The following AK5 variants were observed in gnomAD, a reference collection of about 807,000 sequenced individuals.
AK5 encodes adenylate kinase isoenzyme 5.
A neutral mutation model predicts 69.5 loss-of-function variants in AK5; 27 were observed. That is an observed-to-expected ratio of 0.39 (90% CI 0.29 to 0.54). The LOEUF is 0.54. Among genes scored for constraint, AK5 ranks in the 20% least tolerant of loss-of-function variants. The probability of loss-of-function intolerance (pLI) is 0.71; values close to 1 mark genes in which losing one functional copy is unlikely to be tolerated. For synonymous variants in AK5, 260 were observed against 244.4 expected (o/e 1.06, Z -0.60); for missense variants, 531 against 700.4 (o/e 0.76, Z 2.73).
At chr1:77,383,757 G>T (rs1647814685) in intron 6 of AK5, among the ~76,000 whole-genome samples, 1 of 152,020 alleles carries the variant, frequency 6.6e-6, no homozygotes, top group Non-Finnish European at 1.5e-5. Flanking sequence ...ATAGAGATAT[G>T]TTAAATCAAG....
At position 77,538,338 on chromosome 1, in the gene AK5, C is replaced by CAA. The variant is rs202032598; in HGVS notation, c.1620+2308_1620+2309dup. 7.2e-3 allele frequency among the ~76,000 whole-genome samples: 1,000 copies of CAA among 139,222 alleles called. 23 individuals carry two copies. Among genetic ancestry groups the CAA allele is most frequent in the African/African-American group, 0.026 (953 of 36,220 alleles). 91.3% of individuals were successfully genotyped at this position (139,222 alleles called of 152,430 possible). ...TGGGCAACAGAGCAAGACTGTCTCT[C>CAA]AAAAAAAAACAACAACAACAACAAA... On this transcript the variant is annotated intron_variant, in intron 13 of 13. Coordinates refer to ENST00000354567, the MANE Select transcript of AK5 (RefSeq NM_174858.3).
intron 1 of AK5, chr1:77,282,912 C>G: frequency 8.1e-6 from 8 of 985,974 alleles, no homozygotes; most frequent in Non-Finnish European, 9.6e-6. Context: ...TCAAGTGCCA[C>G]CTCCCCGGTG....
intron 6 of AK5, among the ~76,000 whole-genome samples, chr1:77,399,356 T>C (rs1305551820): frequency 6.6e-6 from 1 of 152,136 alleles, no homozygotes; most frequent in Non-Finnish European, 1.5e-5. Flanking sequence ...TCTTGGGCCC[T>C]TTTCTCTCAA....
chr1:77,542,025 C>G (rs1659304764), intron 13 of AK5, among the ~76,000 whole-genome samples: 1 of 152,086 alleles, frequency 6.6e-6, no homozygotes, highest in Admixed American at 6.6e-5. Context: ...TGACAAAGCC[C>G]CTCACTGAAA....
Position 77,293,792 on chromosome 1 carries a change from G to A in AK5, c.248-1G>A. On this transcript the variant is annotated splice_acceptor_variant, in intron 2 of 13. Coordinates refer to ENST00000354567, the MANE Select transcript of AK5 (RefSeq NM_174858.3). LOFTEE classifies it high-confidence loss of function. ...TTCAAAGTTATCTTACTCTTTTGCA[G>A]TAATGCCTGAAAACTCAAACTTTCC... 1 of 1,598,380 alleles carries A rather than the reference G, an allele frequency of 6.3e-7. No homozygotes were observed. Among genetic ancestry groups the A allele is most frequent in the Non-Finnish European group, 8.5e-7 (1 of 1,174,220 alleles).
intron 8 of AK5, among the ~76,000 whole-genome samples, chr1:77,449,364 T>A (rs1652992495): frequency 6.6e-6 from 1 of 152,246 alleles, no homozygotes; most frequent in East Asian, 1.9e-4. Flanking sequence ...ACTACCCTGC[T>A]GGATTTCAGA....
At chr1:77,552,598 G>A (rs1232236068) in intron 13 of AK5, among the ~76,000 whole-genome samples, 1 of 152,200 alleles carries the variant, frequency 6.6e-6, no homozygotes, top group South Asian at 2.1e-4. Flanking sequence ...TGCATTCAAA[G>A]GTTGTTGTAA....
At chr1:77,320,709 A>G (rs1042956058) in intron 5 of AK5, among the ~76,000 whole-genome samples, 4 of 152,162 alleles carry the variant, frequency 2.6e-5, no homozygotes, top group African/African-American at 9.7e-5. Context: ...AGATCACGCC[A>G]TTGCACTCCA....
At chr1:77,522,946 G>A (rs545096635) in intron 12 of AK5, among the ~76,000 whole-genome samples, 1 of 152,004 alleles carries the variant, frequency 6.6e-6, no homozygotes, top group Non-Finnish European at 1.5e-5. Context: ...TGTTAAAGGT[G>A]ATGAGTGAAG....
chr1:77,295,843 A>G (rs1190288338), intron 3 of AK5, among the ~76,000 whole-genome samples: 1 of 152,212 alleles, frequency 6.6e-6, no homozygotes, highest in Admixed American at 6.5e-5. Flanking sequence ...AATGATTAAA[A>G]TATTTCAATA....
chr1:77,412,558 C>A (rs1243915225), intron 7 of AK5, among the ~76,000 whole-genome samples: 1 of 152,170 alleles, frequency 6.6e-6, no homozygotes, highest in Admixed American at 6.5e-5. Flanking sequence ...AATGGTGCCT[C>A]CCCTGCAGGA....
At chr1:77,465,139 C>G (rs1216760382) in intron 8 of AK5, among the ~76,000 whole-genome samples, 1 of 152,100 alleles carries the variant, frequency 6.6e-6, no homozygotes, top group East Asian at 1.9e-4. Flanking sequence ...ATTTCCAAAC[C>G]CTCTCTTCCT....
chr1:77,468,756 T>C (rs1254616882), intron 8 of AK5, among the ~76,000 whole-genome samples: 1 of 152,250 alleles, frequency 6.6e-6, no homozygotes, highest in Non-Finnish European at 1.5e-5. Flanking sequence ...TGTCTTTAAA[T>C]AGTCCTCAAA....
intron 8 of AK5, among the ~76,000 whole-genome samples, chr1:77,457,882 T>C (rs146983661): frequency 3.3e-5 from 5 of 152,016 alleles, no homozygotes; most frequent in African/African-American, 4.8e-5. Context: ...TACCACAAAC[T>C]TAGTGACTTA....
chr1:77,528,355 T>C (rs971227360), intron 12 of AK5, among the ~76,000 whole-genome samples: 7 of 152,236 alleles, frequency 4.6e-5, no homozygotes, highest in African/African-American at 1.7e-4. Flanking sequence ...CCCACAAAAA[T>C]CTCACCAGCC....
At chr1:77,535,719 A>T (rs531176856) in intron 12 of AK5, 128 bp from the exon 13 acceptor site, 8 of 762,570 alleles carry the variant, frequency 1.0e-5, no homozygotes, top group Non-Finnish European at 1.6e-5. Context: ...CAGCTGCACC[A>T]TAGTGTAATG....
intron 5 of AK5, among the ~76,000 whole-genome samples, chr1:77,309,441 T>A (rs1659822954): frequency 6.6e-6 from 1 of 152,170 alleles, no homozygotes; most frequent in Non-Finnish European, 1.5e-5. Context: ...GATCTGCTCC[T>A]GCTCTTTCCT....
At chr1:77,472,683 G>A (rs1322679117) in intron 8 of AK5, among the ~76,000 whole-genome samples, 1 of 138,910 alleles carries the variant, frequency 7.2e-6, no homozygotes, top group Non-Finnish European at 1.6e-5. Context: ...AGGAGTTCGA[G>A]AACAGCCTGG....
intron 6 of AK5, among the ~76,000 whole-genome samples, chr1:77,370,626 A>T (rs1229070407): frequency 6.6e-6 from 1 of 152,238 alleles, no homozygotes; most frequent in Non-Finnish European, 1.5e-5. Flanking sequence ...TGGAATGGAC[A>T]TGACATTCTT....
Sources: gnomAD v4.1 joint callset for allele counts (sites outside exome capture counted in the v4.1 genomes callset) on GRCh38, gnomAD v4.1.1 for gene constraint, MANE v1.5 for transcripts, NCBI Gene and HGNC (gene_info 2026-07-23, HGNC 2026-07-21) for gene names.